ELP4: variants seen among roughly 807,000 people sequenced by gnomAD.
The protein encoded by ELP4 is elongator acetyltransferase complex subunit 4, also known as elongator complex protein 4.
In ELP4, 51 loss-of-function variants were observed where a neutral mutation model predicts 48.9. The observed-to-expected ratio is 1.04, with a 90% CI of 0.83 to 1.32. The LOEUF (loss-of-function observed/expected upper bound fraction) is 1.32, where lower values mean the gene tolerates loss of function less well. Among genes scored for constraint, ELP4 ranks in the 40% most tolerant of loss-of-function variants. The probability of loss-of-function intolerance (pLI) is 0.00; values close to 1 mark genes in which losing one functional copy is unlikely to be tolerated. For synonymous variants in ELP4, 210 were observed against 189.2 expected, an observed-to-expected ratio of 1.11 and a Z score of -0.90; for missense variants, 519 against 514.6, an observed-to-expected ratio of 1.01 and a Z score of -0.08.
intron 1 of ELP4, among the ~76,000 whole-genome samples, chr11:31,514,686 A>G (rs538502730): frequency 1.3e-5 from 2 of 152,180 alleles, no homozygotes; most frequent in African/African-American, 4.8e-5. Context: ...TGTGAGGTCT[A>G]TGTTGCTTTT....
chr11:31,566,371 G>A (rs111355301), intron 3 of ELP4, among the ~76,000 whole-genome samples: 20 of 151,306 alleles, frequency 1.3e-4, no homozygotes, highest in African/African-American at 4.6e-4. Context: ...AAAAAAAAAA[G>A]ATTCATTCTC....
intron 5 of ELP4, among the ~76,000 whole-genome samples, chr11:31,614,934 G>A (rs986527): frequency 0.3 from 46,098 of 151,944 alleles, 8,583 homozygotes; most frequent in East Asian, 0.45. Context: ...AAGCTATTTC[G>A]TTTTGCTGTA....
At chr11:31,772,871 A>G (rs942346587) in intron 9 of ELP4, among the ~76,000 whole-genome samples, 3 of 152,258 alleles carry the variant, frequency 2.0e-5, no homozygotes, top group African/African-American at 4.8e-5. Flanking sequence ...GAGGAATCCT[A>G]CTGGCTAGAA....
At chr11:31,769,969 C>G (rs1408966299) in intron 9 of ELP4, among the ~76,000 whole-genome samples, 1 of 152,128 alleles carries the variant, frequency 6.6e-6, no homozygotes, top group Admixed American at 6.5e-5. Flanking sequence ...TGTCTCCTCA[C>G]TTATCTTGGG....
At chr11:31,670,464 G>C (rs568281698) in intron 9 of ELP4, among the ~76,000 whole-genome samples, 1 of 152,228 alleles carries the variant, frequency 6.6e-6, no homozygotes, top group Non-Finnish European at 1.5e-5. Flanking sequence ...TTGTGTCCCT[G>C]TCATCTTTTA....
intron 7 of ELP4, among the ~76,000 whole-genome samples, chr11:31,640,647 C>G (rs1945075596): frequency 6.6e-6 from 1 of 151,772 alleles, no homozygotes; most frequent in Non-Finnish European, 1.5e-5. Flanking sequence ...TCTTTTTCTT[C>G]CAGGCTGATG....
chr11:31,679,258 A>G (rs1946005323), intron 9 of ELP4, among the ~76,000 whole-genome samples: 1 of 152,228 alleles, frequency 6.6e-6, no homozygotes, highest in Admixed American at 6.5e-5. Context: ...CATGTACCAC[A>G]TATACCATAA....
At chr11:31,660,246 A>C (rs537004120) in intron 9 of ELP4, among the ~76,000 whole-genome samples, 2 of 152,240 alleles carry the variant, frequency 1.3e-5, no homozygotes, top group African/African-American at 4.8e-5. Context: ...TTTCTGCCGG[A>C]TCCATAAGAA....
intron 2 of ELP4, among the ~76,000 whole-genome samples, chr11:31,536,196 CT>C: frequency 6.6e-6 from 1 of 150,914 alleles, no homozygotes; most frequent in East Asian, 1.9e-4. Flanking sequence ...CAGTTTTTGG[CT>C]ATTAAAAAAA....
chr11:31,670,607 A>G (rs1247772192), intron 9 of ELP4, among the ~76,000 whole-genome samples: 1 of 152,084 alleles, frequency 6.6e-6, no homozygotes, highest in East Asian at 1.9e-4. Context: ...ATCAAAGATG[A>G]GGACAAAAAT....
chr11:31,709,655 T>C (rs1946700644), intron 9 of ELP4, among the ~76,000 whole-genome samples: 1 of 152,150 alleles, frequency 6.6e-6, no homozygotes, highest in African/African-American at 2.4e-5. Context: ...CCTTATTTCC[T>C]TATCTTGAAT....
At chr11:31,744,478 C>G (rs1424658102) in intron 9 of ELP4, among the ~76,000 whole-genome samples, 1 of 152,164 alleles carries the variant, frequency 6.6e-6, no homozygotes, top group South Asian at 2.1e-4. Flanking sequence ...AACATTGATG[C>G]AAAAATCCTC....
intron 4 of ELP4, chr11:31,600,555 T>G (rs1273657097): frequency 6.6e-6 from 1 of 152,128 alleles, no homozygotes; most frequent in Non-Finnish European, 1.5e-5. Context: ...CAAAACACAG[T>G]GATGGATCTT....
intron 9 of ELP4, among the ~76,000 whole-genome samples, chr11:31,782,797 C>T (rs1948406718): frequency 6.6e-6 from 1 of 152,122 alleles, no homozygotes; most frequent in Non-Finnish European, 1.5e-5. Flanking sequence ...GCTGACTTAC[C>T]TGAACATATG....
intron 3 of ELP4, among the ~76,000 whole-genome samples, chr11:31,582,966 C>A (rs1271671788): frequency 6.6e-6 from 1 of 152,130 alleles, no homozygotes; most frequent in East Asian, 1.9e-4. Context: ...AAGAAATTAT[C>A]CTATCTTCAA....
Position 31,627,185 on chromosome 11 carries a change from C to CATCA in ELP4, c.730_731insTCAA (p.Asn244IlefsTer69). On this transcript the variant is annotated frameshift_variant, in exon 6 of 10. Coordinates refer to ENST00000640961, the MANE Select transcript of ELP4 (RefSeq NM_019040.5). LOFTEE classifies it high-confidence loss of function. Reference sequence around the variant, plus strand: ...TTTATGAGGAAGGATTTGATGGATCCAATCCTCAGGTATTAAATAGCTTCA... The same window carrying CATCA: ...TTTATGAGGAAGGATTTGATGGATCCATCAAATCCTCAGGTATTAAATAGCTTCA... The CATCA allele has an allele frequency of 6.5e-7, 1 of 1,534,040 alleles. No homozygotes were observed. Among genetic ancestry groups the CATCA allele is most frequent in the Non-Finnish European group, 8.8e-7 (1 of 1,133,116 alleles).
At chr11:31,662,258 A>C (rs1363508617) in intron 9 of ELP4, among the ~76,000 whole-genome samples, 1 of 152,136 alleles carries the variant, frequency 6.6e-6, no homozygotes, top group Admixed American at 6.6e-5. Context: ...TCTTAATAGT[A>C]CTATAAACAT....
rs1490906112 is a variant in ELP4 at position 31,785,721 on chromosome 11, CCTTT to C, written c.*2201_*2204del. 1 of 192,468 alleles carries C rather than the reference CCTTT, an allele frequency of 5.2e-6. No homozygotes were observed. Among genetic ancestry groups the C allele is most frequent in the Non-Finnish European group, 1.1e-5 (1 of 92,204 alleles). The allele number at this position is 192,468 out of a possible 1,614,324, so 11.9% of individuals were successfully genotyped here. On this transcript the variant is annotated 3_prime_UTR_variant, in exon 10 of 10. Coordinates refer to ENST00000640961, the MANE Select transcript of ELP4 (RefSeq NM_019040.5). Reference sequence around the variant, plus strand: ...AAAACGCACTCTGAAAATGTGTTTTCCTTTCTTCTGGAAACATTATTTGTTACTC... The same window carrying C: ...AAAACGCACTCTGAAAATGTGTTTTCCTTCTGGAAACATTATTTGTTACTC...
chr11:31,548,469 C>G (rs1956776744), intron 3 of ELP4, among the ~76,000 whole-genome samples: 4 of 151,896 alleles, frequency 2.6e-5, no homozygotes, highest in Admixed American at 2.6e-4. Context: ...CAAACCACTG[C>G]TCAATGAAAT....
Sources: gnomAD v4.1 joint callset for allele counts (sites outside exome capture counted in the v4.1 genomes callset) on GRCh38, gnomAD v4.1.1 for gene constraint, MANE v1.5 for transcripts, NCBI Gene and HGNC (gene_info 2026-07-23, HGNC 2026-07-21) for gene names.